The following REN variants were observed in gnomAD, a reference collection of about 807,000 sequenced individuals.
The protein encoded by REN is angiotensin-forming enzyme.
A neutral mutation model predicts 48.6 loss-of-function variants in REN; 42 were observed. The ratio of observed to expected loss-of-function variants is 0.86; its 90% CI spans 0.68 to 1.12. The LOEUF is 1.12. Ranked by LOEUF, REN falls within the 50% of genes most tolerant of loss-of-function variation. REN has a pLI of 0.00. For missense variants in REN, 443 were observed against 527.3 expected, an observed-to-expected ratio of 0.84 and a Z score of 1.57; for synonymous variants, 196 against 204.6, an observed-to-expected ratio of 0.96 and a Z score of 0.36.
chr1:204,161,089 C>CTT, intron 3 of REN, among the ~76,000 whole-genome samples: 2 of 151,888 alleles, frequency 1.3e-5, no homozygotes, highest in African/African-American at 4.8e-5. Context: ...GTTCTTGGAC[C>CTT]TTTTTTTGTT....
At chr1:204,155,227 C>T (rs749050735) in intron 9 of REN, 50 bp from the exon 10 acceptor site, 1 of 1,600,522 alleles carries the variant, frequency 6.2e-7, no homozygotes, top group South Asian at 1.1e-5. Flanking sequence ...GAGCATTCTC[C>T]TTTCACCTTG....
rs1658159913 is a variant in REN, at chr1:204,156,845, A to G, written c.699-49T>C. On this transcript the variant is annotated intron_variant, in intron 6 of 9. Coordinates refer to ENST00000272190, the MANE Select transcript of REN (RefSeq NM_000537.4). This position sits in a 1 kb window ranked among gnomAD's most constrained non-coding sequence, Gnocchi z 4.2. ...TGGAAACCCATAACCTCCAGGACCC[A>G]GCAACTCAGGCAATTGGGGAAGGTT... 2.5e-6 allele frequency: 4 copies of G among 1,610,350 alleles called. No homozygotes were observed. Among genetic ancestry groups the G allele is most frequent in the Non-Finnish European group, 3.4e-6 (4 of 1,179,872 alleles).
Position 204,156,878 on chromosome 1 carries a change from G to A in REN, c.699-82C>T. On this transcript the variant is annotated intron_variant, in intron 6 of 9. Transcript: ENST00000272190. The surrounding 1 kb of genome is among the most constrained non-coding windows in gnomAD (Gnocchi z 4.2). ...AGGCAATTGGGGAAGGTTGCACAAG[G>A]GTGCAGGGGAGGACAGAGGGCTCTA... 1.3e-6 allele frequency: 2 copies of A among 1,566,142 alleles called. No homozygotes were observed. The highest frequency in any genetic ancestry group is 1.7e-6 in the Non-Finnish European group (2 of 1,146,022).
intron 4 of REN, 97 bp downstream of exon 4, chr1:204,160,463 G>T (rs1454871708): frequency 2.4e-6 from 2 of 832,304 alleles, no homozygotes; most frequent in African/African-American, 1.7e-5. Context: ...CAAGTGGGCT[G>T]CAGTGTACCT....
At position 204,156,915 on chromosome 1, in the gene REN, T is replaced by C. The variant is rs958172752; in HGVS notation, c.699-119A>G. On this transcript the variant is annotated intron_variant, in intron 6 of 9. Coordinates refer to ENST00000272190, the MANE Select transcript of REN (RefSeq NM_000537.4). The surrounding 1 kb of genome is among the most constrained non-coding windows in gnomAD (Gnocchi z 4.2). The stretch of plus-strand genomic sequence containing the variant: ...GACAGAGGGCTCTAGAGCAGAGGAA[T>C]GTGGGACAGACAGCCAGGCTCGGAG... 7.7e-7 allele frequency: 1 copy of C among 1,300,328 alleles called. No homozygotes were observed. The highest frequency in any genetic ancestry group is 1.5e-5 in the African/African-American group (1 of 68,606). The allele number at this position is 1,300,328 out of a possible 1,614,324, so 80.5% of individuals were successfully genotyped here. A position where few individuals can be genotyped will look rare whatever the true frequency, so the allele number is the denominator to read the frequency against.
rs1658140801 is a variant in REN at position 204,156,005 on chromosome 1, G to A, written c.961-87C>T. On this transcript the variant is annotated intron_variant, in intron 8 of 9. Transcript: ENST00000272190. This position sits in a 1 kb window ranked among gnomAD's most constrained non-coding sequence, Gnocchi z 4.2. ...CCTGCGCTGGTGGCCTGGTCTCTCT[G>A]CTGGAGAGGGCTGGGGACAGTGCCC... The A allele has an allele frequency of 1.4e-6, 2 of 1,422,154 alleles. No homozygotes were observed. The highest frequency in any genetic ancestry group is 1.4e-5 in the African/African-American group (1 of 71,316). The allele number at this position is 1,422,154 out of a possible 1,614,324, so 88.1% of individuals were successfully genotyped here. A position where few individuals can be genotyped will look rare whatever the true frequency, so the allele number is the denominator to read the frequency against.
rs1399575103 is a variant in REN, at chr1:204,156,659, G to A, written c.818+18C>T. Reference sequence around the variant, plus strand: ...GGCAGCATTTTTTGGAGCCCGGGGAGGGTTGAGGATTTCTGACCCCTTCAT... The same window carrying A: ...GGCAGCATTTTTTGGAGCCCGGGGAAGGTTGAGGATTTCTGACCCCTTCAT... On this transcript the variant is annotated intron_variant, in intron 7 of 9. Coordinates refer to ENST00000272190, the MANE Select transcript of REN (RefSeq NM_000537.4). This position sits in a 1 kb window ranked among gnomAD's most constrained non-coding sequence, Gnocchi z 4.2. The A allele has an allele frequency of 6.2e-7, 1 of 1,614,014 alleles. No individual in the cohort carries two copies. Among genetic ancestry groups the A allele is most frequent in the Admixed American group, 1.7e-5 (1 of 60,016 alleles).
rs756702272 is a variant in REN at position 204,161,429 on chromosome 1, AAG to A, written c.250-16_250-15del. 4 of 1,521,594 alleles carry A rather than the reference AAG, an allele frequency of 2.6e-6. No homozygotes were observed. The highest frequency in any genetic ancestry group is 2.4e-5 in the East Asian group (1 of 41,858). The allele number at this position is 1,521,594 out of a possible 1,614,324, so 94.3% of individuals were successfully genotyped here. On this transcript the variant is annotated splice_polypyrimidine_tract_variant and intron_variant, in intron 2 of 9. Transcript: ENST00000272190. ...ATAGTACTGGGTCTGTGGGGGTAAA[AAG>A]AGAGGGCTGGAGGGGCTCAGGGGAC...
At chr1:204,161,539 G>T in intron 2 of REN, 124 bp from the exon 3 acceptor site, 1 of 952,206 alleles carries the variant, frequency 1.1e-6, no homozygotes, top group Non-Finnish European at 1.4e-6. Flanking sequence ...AGCCTCTCGG[G>T]GTTTCCATTT....
Position 204,162,325 on chromosome 1 carries a change from A to G in REN, c.99-162T>C, listed in dbSNP as rs1383920038. ...GCTGAGGGCCTCTGGAGCATTTATA[A>G]GAGTTACTTCTTGTCAAGAGTCAAT... On this transcript the variant is annotated intron_variant, in intron 1 of 9. Coordinates refer to ENST00000272190, the MANE Select transcript of REN (RefSeq NM_000537.4). Among the ~76,000 whole-genome samples the G allele has an allele frequency of 3.3e-5, 5 of 152,220 alleles. No individual in the cohort carries two copies. The East Asian group carries it at 9.6e-4, about 29-fold the overall frequency.
chr1:204,155,232 A>G, intron 9 of REN, 55 bp from the exon 10 acceptor site: 1 of 1,587,284 alleles, frequency 6.3e-7, no homozygotes, highest in Non-Finnish European at 8.6e-7. Context: ...TTCTCCTTTC[A>G]CCTTGCCTGA....
At chr1:204,158,787 C>A (rs1658194044) in intron 5 of REN, among the ~76,000 whole-genome samples, 1 of 152,246 alleles carries the variant, frequency 6.6e-6, no homozygotes. Flanking sequence ...TATGTCTTGT[C>A]TTCCCTGTTA....
At position 204,156,881 on chromosome 1, in the gene REN, G is replaced by A. The variant is rs1558243831; in HGVS notation, c.699-85C>T. 8 of 1,556,866 alleles carry A rather than the reference G, an allele frequency of 5.1e-6. No individual in the cohort carries two copies. The East Asian group carries it at 1.1e-4, about 22-fold the overall frequency. On this transcript the variant is annotated intron_variant, in intron 6 of 9. Transcript: ENST00000272190. This position sits in a 1 kb window ranked among gnomAD's most constrained non-coding sequence, Gnocchi z 4.2. The stretch of plus-strand genomic sequence containing the variant: ...CAATTGGGGAAGGTTGCACAAGGGT[G>A]CAGGGGAGGACAGAGGGCTCTAGAG...
At chr1:204,158,832 T>G (rs538026942) in intron 5 of REN, among the ~76,000 whole-genome samples, 4 of 152,342 alleles carry the variant, frequency 2.6e-5, no homozygotes, top group African/African-American at 9.6e-5. Flanking sequence ...GGAGTACAGA[T>G]TCTGCCTTGT....
At chr1:204,165,075 G>T (rs1429543184) in intron 1 of REN, among the ~76,000 whole-genome samples, 3 of 151,872 alleles carry the variant, frequency 2.0e-5, no homozygotes, top group Non-Finnish European at 4.4e-5. Context: ...AGGTTCAAGC[G>T]ATTCTCCTGC....
intron 4 of REN, among the ~76,000 whole-genome samples, chr1:204,160,261 G>A (rs1001000285): frequency 6.6e-6 from 1 of 152,220 alleles, no homozygotes; most frequent in Admixed American, 6.5e-5. Flanking sequence ...GTCAGAGCTG[G>A]TGAACTTGGA....
At chr1:204,159,322 C>A (rs749453070) in intron 5 of REN, 77 bp downstream of exon 5, 3 of 1,349,206 alleles carry the variant, frequency 2.2e-6, no homozygotes, top group Non-Finnish European at 3.2e-6. Context: ...ACAATTCTGG[C>A]CCAGACTCTC....
At chr1:204,159,251 T>A in intron 5 of REN, 148 bp downstream of exon 5, 1 of 740,542 alleles carries the variant, frequency 1.4e-6, no homozygotes, top group Non-Finnish European at 2.4e-6. Context: ...CAATAGTGCC[T>A]TCCATATTGG....
rs1274838584 is a variant in REN, at chr1:204,155,798, AGG to A, written c.1059+20_1059+21del. 6.3e-7 allele frequency: 1 copy of A among 1,582,562 alleles called. No homozygotes were observed. Among genetic ancestry groups the A allele is most frequent in the Non-Finnish European group, 8.7e-7 (1 of 1,153,686 alleles). ...TGTCCAGCCTTTCTCCCTGCCACCG[AGG>A]GGGCCGACTCGAACCTCACCTGAAA... On this transcript the variant is annotated intron_variant, in intron 9 of 9. Coordinates refer to ENST00000272190, the MANE Select transcript of REN (RefSeq NM_000537.4).
Sources: allele counts gnomAD v4.1 joint callset (sites outside exome capture counted in the v4.1 genomes callset), GRCh38; gene constraint gnomAD v4.1.1; non-coding constraint Gnocchi (gnomAD v3.1); transcripts MANE v1.5; gene names NCBI Gene and HGNC (gene_info 2026-07-23, HGNC 2026-07-21).